The following DSCAM variants were observed in gnomAD, a reference collection of about 807,000 sequenced individuals.
DSCAM encodes the protein DS cell adhesion molecule, also known as cell adhesion molecule DSCAM.
In DSCAM, 47 loss-of-function variants were observed where a neutral mutation model predicts 217.7. The observed-to-expected ratio is 0.22, with a 90% confidence interval of 0.17 to 0.28. The LOEUF (loss-of-function observed/expected upper bound fraction) is 0.28, where lower values mean the gene tolerates loss of function less well. DSCAM is among the 10% of genes least tolerant of loss of function. The pLI is 1.00. For missense variants in DSCAM, 2,080 were observed against 2,618.3 expected (o/e 0.79, Z 4.49); for synonymous variants, 1,056 against 1,015.3 (o/e 1.04, Z -0.76).
At chr21:40,075,406 C>G (rs1182049586) in intron 26 of DSCAM, among the ~76,000 whole-genome samples, 193 bp from the exon 27 acceptor site, 1 of 152,192 alleles carries the variant, frequency 6.6e-6, no homozygotes, top group Non-Finnish European at 1.5e-5. Context: ...CCTGAACTTC[C>G]AACTTATTCT....
At chr21:40,297,348 C>A (rs945222662) in intron 9 of DSCAM, among the ~76,000 whole-genome samples, 1 of 152,118 alleles carries the variant, frequency 6.6e-6, no homozygotes, top group African/African-American at 2.4e-5. Flanking sequence ...GTATTCTAAT[C>A]CCCGTATCTT....
intron 3 of DSCAM, among the ~76,000 whole-genome samples, chr21:40,396,534 C>T (rs529251063): frequency 6.6e-6 from 1 of 152,282 alleles, no homozygotes; most frequent in East Asian, 1.9e-4. Context: ...TGCAGTGTTC[C>T]TGAGCTGGGT....
At chr21:40,354,443 C>T (rs906666920) in intron 4 of DSCAM, among the ~76,000 whole-genome samples, 13 of 152,126 alleles carry the variant, frequency 8.5e-5, no homozygotes, top group African/African-American at 3.1e-4. Flanking sequence ...TGATTGCTCA[C>T]CACAGTCTCA....
At chr21:40,055,927 T>C in intron 28 of DSCAM, 87 bp from the exon 29 acceptor site, 4 of 938,244 alleles carry the variant, frequency 4.3e-6, no homozygotes, top group Non-Finnish European at 6.8e-6. Flanking sequence ...ACTTAGTTTA[T>C]TGTCTAAATA....
intron 11 of DSCAM, among the ~76,000 whole-genome samples, chr21:40,273,965 A>G (rs760816841): frequency 5.3e-5 from 8 of 152,302 alleles, no homozygotes; most frequent in South Asian, 2.1e-4. Context: ...ATGGACTTTG[A>G]AGGGACACAG....
Position 40,452,610 on chromosome 21 carries a change from T to C in DSCAM, c.509-83365A>G, listed in dbSNP as rs182941464. Among the ~76,000 whole-genome samples the C allele has an allele frequency of 5.9e-5, 9 of 152,302 alleles. No homozygotes were observed. The East Asian group carries it at 1.7e-3, about 29-fold the overall frequency. ...CTTCTATATTCTATTTCATAAAGCA[T>C]ACAATACAGCACTCATGCTCTAGCA... On this transcript the variant is annotated intron_variant, in intron 3 of 32. Coordinates refer to ENST00000400454, the MANE Select transcript of DSCAM (RefSeq NM_001389.5).
intron 3 of DSCAM, among the ~76,000 whole-genome samples, chr21:40,517,931 C>T (rs2076316433): frequency 6.6e-6 from 1 of 152,026 alleles, no homozygotes; most frequent in South Asian, 2.1e-4. Flanking sequence ...CCTGTTTGGC[C>T]CTGCACATGG....
chr21:40,447,250 T>G (rs972466320), intron 3 of DSCAM, among the ~76,000 whole-genome samples: 1 of 152,188 alleles, frequency 6.6e-6, no homozygotes, highest in African/African-American at 2.4e-5. Flanking sequence ...TCATGGAAGG[T>G]GGAGATTGCT....
At chr21:40,815,747 C>T (rs1340766712) in intron 1 of DSCAM, among the ~76,000 whole-genome samples, 1 of 152,112 alleles carries the variant, frequency 6.6e-6, no homozygotes, top group African/African-American at 2.4e-5. Context: ...TCATACTGTT[C>T]CTGAAGTCAG....
intron 1 of DSCAM, among the ~76,000 whole-genome samples, chr21:40,778,339 T>C (rs1170144412): frequency 2.0e-5 from 3 of 152,142 alleles, no homozygotes; most frequent in Non-Finnish European, 2.9e-5. Flanking sequence ...CAGGAGCATG[T>C]AAGTTTTGTT....
At chr21:40,662,989 T>C (rs2090154908) in intron 3 of DSCAM, among the ~76,000 whole-genome samples, 1 of 152,108 alleles carries the variant, frequency 6.6e-6, no homozygotes. Flanking sequence ...TGAGGGGCTC[T>C]GAGGTATGCA....
In DSCAM at chr21:40,536,095, C is replaced by T. The variant is rs957982981; in HGVS notation, c.508+156715G>A. ...TGGTGAACCTCATGCCTTTAATAAA[C>T]GTAAGTGTCCAACATTCAGCCAGCA... On this transcript the variant is annotated intron_variant, in intron 3 of 32. Transcript: ENST00000400454. 2.6e-5 allele frequency among the ~76,000 whole-genome samples: 4 copies of T among 152,134 alleles called. No homozygotes were observed. The South Asian group carries it at 6.2e-4, about 24-fold the overall frequency.
chr21:40,399,597 C>T (rs2075215343), intron 3 of DSCAM, among the ~76,000 whole-genome samples: 1 of 152,156 alleles, frequency 6.6e-6, no homozygotes, highest in African/African-American at 2.4e-5. Context: ...TCTGCATGTG[C>T]CTAGATTGGA....
chr21:40,276,512 T>C (rs1601509743), intron 10 of DSCAM, among the ~76,000 whole-genome samples: 1 of 152,230 alleles, frequency 6.6e-6, no homozygotes, highest in African/African-American at 2.4e-5. Flanking sequence ...AACTTACAGA[T>C]AGTTTCTCTA....
chr21:40,745,739 G>C (rs1164053773), intron 1 of DSCAM, among the ~76,000 whole-genome samples: 1 of 152,038 alleles, frequency 6.6e-6, no homozygotes, highest in Non-Finnish European at 1.5e-5. Flanking sequence ...GTAAAAGTAA[G>C]AATACAGACA....
chr21:40,408,629 G>A (rs1357901385), intron 3 of DSCAM, among the ~76,000 whole-genome samples: 1 of 152,166 alleles, frequency 6.6e-6, no homozygotes, highest in African/African-American at 2.4e-5. Context: ...CTAAGATTTA[G>A]TTACATCATT....
intron 3 of DSCAM, among the ~76,000 whole-genome samples, chr21:40,431,282 A>G (rs2075529047): frequency 6.6e-6 from 1 of 152,192 alleles, no homozygotes; most frequent in Non-Finnish European, 1.5e-5. Flanking sequence ...CCCTCCTGAG[A>G]TGAATCCTTC....
chr21:40,727,034 AAATC>A (rs1310537628), intron 1 of DSCAM, among the ~76,000 whole-genome samples: 1 of 152,184 alleles, frequency 6.6e-6, no homozygotes, highest in African/African-American at 2.4e-5. Flanking sequence ...TAATTGGAGG[AAATC>A]AATATATCAT....
intron 1 of DSCAM, among the ~76,000 whole-genome samples, chr21:40,788,650 G>A (rs1050716712): frequency 6.6e-6 from 1 of 152,318 alleles, no homozygotes; most frequent in Admixed American, 6.5e-5. Context: ...CCAAGTTCCA[G>A]CATCCTGTAA....
Sources: gnomAD v4.1 joint callset for allele counts (sites outside exome capture counted in the v4.1 genomes callset) on GRCh38, gnomAD v4.1.1 for gene constraint, MANE v1.5 for transcripts, NCBI Gene and HGNC (gene_info 2026-07-23, HGNC 2026-07-21) for gene names.